Variants in MAML2 observed in about 807,000 individuals in gnomAD.
MAML2 encodes mastermind-like protein 2.
In MAML2, 22 loss-of-function variants were observed where a neutral mutation model predicts 96.1. The ratio of observed to expected loss-of-function variants is 0.23; its 90% CI spans 0.16 to 0.33. MAML2 has a LOEUF of 0.33. Ranked by LOEUF, MAML2 falls within the 10% of genes least tolerant of loss-of-function variation. MAML2 has a pLI of 1.00. For synonymous variants in MAML2, 561 were observed against 521.3 expected (o/e 1.08, Z -1.04); for missense variants, 1,367 against 1,392.4 (o/e 0.98, Z 0.29).
intron 1 of MAML2, among the ~76,000 whole-genome samples, chr11:96,119,544 G>A (rs1303291980): frequency 1.3e-5 from 2 of 152,196 alleles, no homozygotes; most frequent in African/African-American, 4.8e-5. Flanking sequence ...ATGTATTTAA[G>A]TTATTTTAAG....
chr11:96,185,858 T>C (rs1293067731), intron 1 of MAML2, among the ~76,000 whole-genome samples: 1 of 152,218 alleles, frequency 6.6e-6, no homozygotes, highest in Non-Finnish European at 1.5e-5. Flanking sequence ...CTATTTTACC[T>C]TGTGCCACAA....
intron 1 of MAML2, 30 bp downstream of exon 1, chr11:96,341,353 G>A (rs766378089): frequency 9.4e-6 from 14 of 1,496,724 alleles, no homozygotes; most frequent in Admixed American, 2.1e-5. Flanking sequence ...CAGGACCACA[G>A]CCAGAACCAT....
chr11:96,086,357 G>A (rs1859613488), intron 2 of MAML2, among the ~76,000 whole-genome samples: 1 of 152,138 alleles, frequency 6.6e-6, no homozygotes. Context: ...AATGGATGAT[G>A]TTAAAGAGAA....
rs559332004 is a variant in MAML2, at chr11:96,076,427, C to G, written c.2139+15465G>C. On this transcript the variant is annotated intron_variant, in intron 2 of 4. Coordinates refer to ENST00000524717, the MANE Select transcript of MAML2 (RefSeq NM_032427.4). ...AGGCTGCTCTCTTTTGTCTCTCTCTCTCTCTCACACACACACACACACACA... is the reference window on the plus strand; with the variant it reads ...AGGCTGCTCTCTTTTGTCTCTCTCTGTCTCTCACACACACACACACACACA... 6.7e-3 allele frequency among the ~76,000 whole-genome samples: 591 copies of G among 87,762 alleles called. 6 individuals are homozygous for G. The highest frequency in any genetic ancestry group is 0.027 in the African/African-American group (558 of 20,728). The allele number at this position is 87,762 out of a possible 152,430, so 57.6% of individuals were successfully genotyped here. A position where few individuals can be genotyped will look rare whatever the true frequency, so the allele number is the denominator to read the frequency against.
At chr11:96,259,200 G>C (rs771236916) in intron 1 of MAML2, among the ~76,000 whole-genome samples, 2 of 152,128 alleles carry the variant, frequency 1.3e-5, no homozygotes, top group Non-Finnish European at 2.9e-5. Context: ...CTAAGTGAAG[G>C]CCAGCCCCCT....
chr11:96,165,784 AT>A (rs1861179868), intron 1 of MAML2, among the ~76,000 whole-genome samples: 1 of 152,242 alleles, frequency 6.6e-6, no homozygotes, highest in South Asian at 2.1e-4. Context: ...GGGTATTACA[AT>A]TTTAAAAACA....
intron 2 of MAML2, among the ~76,000 whole-genome samples, chr11:95,997,596 G>C (rs1262767387): frequency 6.6e-6 from 1 of 152,022 alleles, no homozygotes; most frequent in Non-Finnish European, 1.5e-5. Context: ...GATACTGAAG[G>C]GACTTCTCAT....
intron 1 of MAML2, among the ~76,000 whole-genome samples, chr11:96,126,620 G>A (rs1014621206): frequency 3.3e-5 from 5 of 152,144 alleles, no homozygotes; most frequent in Admixed American, 1.3e-4. Context: ...TTCTGATGAC[G>A]AGGTGTTAGT....
chr11:96,338,547 A>C lies in MAML2; in HGVS notation c.513+2836T>G, dbSNP rs368160340. Among the ~76,000 whole-genome samples, 19 of 152,366 alleles carry C rather than the reference A, an allele frequency of 1.2e-4. No homozygotes were observed. The East Asian group carries it at 2.3e-3, about 19-fold the overall frequency. On this transcript the variant is annotated intron_variant, in intron 1 of 4. Transcript: ENST00000524717. ...CCATGAAAGTCAACATTATCCCACC[A>C]AACAGAAGTTGTCCTTTCACCTTCA...
At chr11:96,316,073 G>T (rs1180699051) in intron 1 of MAML2, among the ~76,000 whole-genome samples, 1 of 152,128 alleles carries the variant, frequency 6.6e-6, no homozygotes, top group Admixed American at 6.5e-5. Flanking sequence ...TTTCAATCTG[G>T]GTAAGTGGGT....
chr11:95,986,291 G>C (rs184959110), intron 3 of MAML2, among the ~76,000 whole-genome samples: 1 of 150,382 alleles, frequency 6.6e-6, no homozygotes, highest in African/African-American at 2.4e-5. Context: ...TGCAACCTCT[G>C]CCTCCCTGGT....
chr11:96,239,199 A>G (rs1862400777), intron 1 of MAML2, among the ~76,000 whole-genome samples: 1 of 152,226 alleles, frequency 6.6e-6, no homozygotes, highest in Non-Finnish European at 1.5e-5. Flanking sequence ...CTGTTCTCTA[A>G]ATGGCTGTTA....
chr11:96,332,080 T>G (rs80215442), intron 1 of MAML2, among the ~76,000 whole-genome samples: 3,770 of 152,302 alleles, frequency 0.025, 69 homozygotes, highest in Middle Eastern at 0.051. Flanking sequence ...CTCCTTCCCA[T>G]GTGTGGTTGT....
At chr11:96,155,509 AATATATATATATAT>A (rs56860340) in intron 1 of MAML2, among the ~76,000 whole-genome samples, 1,887 of 74,844 alleles carry the variant, frequency 0.025, 172 homozygotes, top group African/African-American at 0.057. Flanking sequence ...TAACAATTCA[AATATATATATATAT>A]ATATATATAT....
rs1421610749 is a variant in MAML2, at chr11:96,305,773, A to T, written c.513+35610T>A. On this transcript the variant is annotated intron_variant, in intron 1 of 4. Transcript: ENST00000524717. ...TGTTACTAGAACTTAGAAGTACGGT[A>T]ACTGGAAATTAAGGCAGATAAAAAC... Among the ~76,000 whole-genome samples, 4 of 152,180 alleles carry T rather than the reference A, an allele frequency of 2.6e-5. No homozygotes were observed. The East Asian group carries it at 7.7e-4, about 29-fold the overall frequency.
Position 96,223,371 on chromosome 11 carries a change from A to G in MAML2, c.513+118012T>C, listed in dbSNP as rs962780381. ...ATGACAGCTTTCCATATATTTTTCAATTTTGTCATTATCAACATTTATTTG... is the reference window on the plus strand; with the variant it reads ...ATGACAGCTTTCCATATATTTTTCAGTTTTGTCATTATCAACATTTATTTG... On this transcript the variant is annotated intron_variant, in intron 1 of 4. Coordinates refer to ENST00000524717, the MANE Select transcript of MAML2 (RefSeq NM_032427.4). Among the ~76,000 whole-genome samples, 3 of 152,200 alleles carry G rather than the reference A, an allele frequency of 2.0e-5. No individual in the cohort carries two copies. The East Asian group carries it at 5.8e-4, about 29-fold the overall frequency.
intron 1 of MAML2, among the ~76,000 whole-genome samples, chr11:96,097,935 G>T (rs1487052573): frequency 6.6e-6 from 1 of 152,210 alleles, no homozygotes; most frequent in African/African-American, 2.4e-5. Flanking sequence ...TATGGAGGCA[G>T]GATGCCAGCC....
At chr11:96,076,833 G>C (rs1406135431) in intron 2 of MAML2, among the ~76,000 whole-genome samples, 1 of 152,190 alleles carries the variant, frequency 6.6e-6, no homozygotes, top group East Asian at 1.9e-4. Context: ...ATGAATGTTA[G>C]CAGCACTTTA....
intron 1 of MAML2, among the ~76,000 whole-genome samples, chr11:96,227,388 T>C (rs191393141): frequency 2.0e-5 from 3 of 152,326 alleles, no homozygotes; most frequent in East Asian, 1.9e-4. Context: ...ATAAGTCTCA[T>C]TCACAGCTAT....
Sources: gnomAD v4.1 joint callset for allele counts (sites outside exome capture counted in the v4.1 genomes callset) on GRCh38, gnomAD v4.1.1 for gene constraint, MANE v1.5 for transcripts, NCBI Gene and HGNC (gene_info 2026-07-23, HGNC 2026-07-21) for gene names.